The following CENPF variants were observed in gnomAD, a reference collection of about 807,000 sequenced individuals.
CENPF encodes the protein centromere protein F.
A neutral mutation model predicts 307.3 loss-of-function variants in CENPF; 214 were observed. The ratio of observed to expected loss-of-function variants is 0.70; its 90% CI spans 0.62 to 0.78. The LOEUF (loss-of-function observed/expected upper bound fraction) is 0.78, where lower values mean the gene tolerates loss of function less well. Among genes scored for constraint, CENPF ranks in the 30% least tolerant of loss-of-function variants. The probability of loss-of-function intolerance (pLI) is 0.00; values close to 1 mark genes in which losing one functional copy is unlikely to be tolerated. For missense variants in CENPF, 3,401 were observed against 3,483.9 expected (o/e 0.98, Z 0.60); for synonymous variants, 1,259 against 1,270.6 (o/e 0.99, Z 0.19).
rs532353485 is a variant in CENPF at position 214,630,455 on chromosome 1, G to A, written c.1195-79G>A. On this transcript the variant is annotated intron_variant, in intron 8 of 19. Transcript: ENST00000366955. ...TCCTGTGCTCTCTGTGCAGTCGCCT[G>A]TTAGGATGCTCATGCCTCACCCTGG... The A allele has an allele frequency of 6.7e-5, 105 of 1,560,786 alleles. 1 individual carries two copies. In the South Asian group the frequency reaches 1.1e-3, roughly 17 times the overall value.
At position 214,608,775 on chromosome 1, in the gene CENPF, G is replaced by A. The variant is rs1349378293; in HGVS notation, c.-41-4939G>A. 4 of 1,600,696 alleles carry A rather than the reference G, an allele frequency of 2.5e-6. No individual in the cohort carries two copies. The East Asian group carries it at 6.7e-5, about 27-fold the overall frequency. On this transcript the variant is annotated intron_variant, in intron 1 of 19. Coordinates refer to ENST00000366955, the MANE Select transcript of CENPF (RefSeq NM_016343.4). Reference sequence around the variant, plus strand: ...GCGGCAGGAAGGCGAGCTTGGCAGCGATGCGGCCGGGGCAGGGCGGGCAGC... The same window carrying A: ...GCGGCAGGAAGGCGAGCTTGGCAGCAATGCGGCCGGGGCAGGGCGGGCAGC...
intron 16 of CENPF, 188 bp from the exon 17 acceptor site, chr1:214,655,053 T>C: frequency 2.6e-6 from 1 of 386,270 alleles, no homozygotes; most frequent in Non-Finnish European, 4.6e-6. Context: ...CAAAACCACA[T>C]TGTCAGTTGG....
intron 11 of CENPF, among the ~76,000 whole-genome samples, chr1:214,639,298 T>C (rs1658044020): frequency 6.6e-6 from 1 of 152,184 alleles, no homozygotes; most frequent in Non-Finnish European, 1.5e-5. Context: ...TCCAAATGAC[T>C]GTGACATTCA....
chr1:214,605,792 T>C, intron 1 of CENPF: 3 of 1,591,190 alleles, frequency 1.9e-6, no homozygotes, highest in East Asian at 4.5e-5. Context: ...CTCCACCGCC[T>C]TGGGGCAGCG....
In CENPF at chr1:214,642,852, A is replaced by G. The variant is rs1421281326; in HGVS notation, c.4514A>G (p.Asp1505Gly). 1 of 1,614,052 alleles carries G rather than the reference A, an allele frequency of 6.2e-7. No homozygotes were observed. The highest frequency in any genetic ancestry group is 2.2e-5 in the East Asian group (1 of 44,860). Residue 1505 changes from aspartate to glycine, a missense_variant, in exon 12 of 20, where the codon GAT becomes GGT. Transcript: ENST00000366955. ...FYRALLEQTGDMSLLSNLEGA... is the reference protein window; with the variant it reads ...FYRALLEQTGGMSLLSNLEGA... The stretch of plus-strand genomic sequence containing the variant: ...AGAGCTCTTTTAGAACAGACAGGAG[A>G]TATGTCTCTTTTGAGTAATTTAGAA...
Position 214,622,226 on chromosome 1 carries a change from A to C in CENPF, c.1013A>C (p.Lys338Thr), listed in dbSNP as rs1313574404. 6.2e-7 allele frequency: 1 copy of C among 1,614,104 alleles called. No individual in the cohort carries two copies. Among genetic ancestry groups the C allele is most frequent in the Admixed American group, 1.7e-5 (1 of 60,016 alleles). ...ELIEKEKVLN[K>T]CRDELVRTTA... ...ATTGAAAAAGAGAAAGTTTTGAACAAATGTAGGGATGAACTAGTGAGAACA... is the reference window on the plus strand; with the variant it reads ...ATTGAAAAAGAGAAAGTTTTGAACACATGTAGGGATGAACTAGTGAGAACA... The change falls in exon 7 of 20, where the codon AAA becomes ACA. Residue 338 changes from lysine to threonine, a missense_variant. Coordinates refer to ENST00000366955, the MANE Select transcript of CENPF (RefSeq NM_016343.4).
chr1:214,651,951 T>G (rs1658475405), intron 15 of CENPF, 65 bp downstream of exon 15: 1 of 1,403,158 alleles, frequency 7.1e-7, no homozygotes, highest in African/African-American at 1.4e-5. Flanking sequence ...TAAGGCTTTT[T>G]TTTTTTTCCA....
At chr1:214,630,335 T>A (rs1657771118) in intron 8 of CENPF, among the ~76,000 whole-genome samples, 199 bp from the exon 9 acceptor site, 1 of 152,130 alleles carries the variant, frequency 6.6e-6, no homozygotes. Flanking sequence ...CCCCTTTCCC[T>A]CAGAGACCTG....
intron 4 of CENPF, 91 bp from the exon 5 acceptor site, chr1:214,619,038 A>G (rs1235977889): frequency 3.0e-5 from 20 of 673,144 alleles, no homozygotes; most frequent in Non-Finnish European, 4.3e-5. Flanking sequence ...TAAGATACTC[A>G]TTTCTAGACT....
chr1:214,615,169 C>T (rs570242153), intron 3 of CENPF, 141 bp downstream of exon 3: 26 of 509,358 alleles, frequency 5.1e-5, no homozygotes, highest in Admixed American at 2.7e-4. Flanking sequence ...GTCTCTGTAC[C>T]GTAACTTGAA....
intron 12 of CENPF, 31 bp downstream of exon 12, chr1:214,643,355 C>T (rs374910208): frequency 5.1e-5 from 74 of 1,444,610 alleles, no homozygotes; most frequent in South Asian, 8.4e-5. Flanking sequence ...TGCCATTTCT[C>T]GGTTTACATG....
intron 7 of CENPF, among the ~76,000 whole-genome samples, chr1:214,624,229 G>C (rs1052854116): frequency 6.6e-6 from 1 of 151,968 alleles, no homozygotes. Context: ...AAGGATATTG[G>C]TTGGCTTTCT....
rs1658168467 is a variant in CENPF at position 214,642,871 on chromosome 1, T to C, written c.4533T>C (p.Asn1511=). 1.2e-6 allele frequency: 2 copies of C among 1,613,824 alleles called. No homozygotes were observed. The highest frequency in any genetic ancestry group is 1.3e-5 in the African/African-American group (1 of 74,892). Reference sequence around the variant, plus strand: ...CAGGAGATATGTCTCTTTTGAGTAATTTAGAAGGGGCTGTTTCAGCAAACC... The same window carrying C: ...CAGGAGATATGTCTCTTTTGAGTAACTTAGAAGGGGCTGTTTCAGCAAACC... The part of the protein sequence containing the change: ...EQTGDMSLLS[N]LEGAVSANQC... Residue 1511 remains asparagine (N), a synonymous_variant, in exon 12 of 20, where the codon AAT becomes AAC. Transcript: ENST00000366955.
intron 3 of CENPF, among the ~76,000 whole-genome samples, chr1:214,616,838 TTTCTTTCTTTCTTTC>T (rs1251074674): frequency 4.3e-4 from 1 of 2,332 alleles, no homozygotes; most frequent in Non-Finnish European, 2.4e-3. Context: ...TTCCTTCCTC[TTTCTTTCTTTCTTTC>T]TTTCTTTCTT....
chr1:214,648,252 A>G (rs1054199179), intron 13 of CENPF, among the ~76,000 whole-genome samples: 3 of 152,084 alleles, frequency 2.0e-5, no homozygotes, highest in Admixed American at 6.5e-5. Context: ...AATGCAAACA[A>G]TAGCTTTTTA....
chr1:214,637,058 A>G (rs1558180596), intron 10 of CENPF, among the ~76,000 whole-genome samples: 1 of 152,238 alleles, frequency 6.6e-6, no homozygotes, highest in Non-Finnish European at 1.5e-5. Context: ...GGAACTACAC[A>G]TGTACCTGTG....
At chr1:214,639,900 C>G in intron 11 of CENPF, 21 bp from the exon 12 acceptor site, 1 of 1,456,106 alleles carries the variant, frequency 6.9e-7, no homozygotes, top group Non-Finnish European at 9.0e-7. Flanking sequence ...ACATTGACGA[C>G]TTTTATTTAT....
At chr1:214,636,508 T>C (rs533022354) in intron 10 of CENPF, among the ~76,000 whole-genome samples, 123 of 152,332 alleles carry the variant, frequency 8.1e-4, no homozygotes, top group Non-Finnish European at 1.3e-3. Context: ...TTCTGTCTTA[T>C]TTTAATGATG....
At chr1:214,629,302 C>A in intron 8 of CENPF, 131 bp downstream of exon 8, 1 of 830,978 alleles carries the variant, frequency 1.2e-6, no homozygotes, top group East Asian at 3.0e-5. Flanking sequence ...GCTTTGTGAG[C>A]TAAAGGTCAT....
Sources: gnomAD v4.1 joint callset for allele counts (sites outside exome capture counted in the v4.1 genomes callset) on GRCh38, gnomAD v4.1.1 for gene constraint, MANE v1.5 for transcripts, NCBI Gene and HGNC (gene_info 2026-07-23, HGNC 2026-07-21) for gene names.